LFNG: variants seen among roughly 807,000 people sequenced by gnomAD.
LFNG encodes the protein beta-1,3-N-acetylglucosaminyltransferase lunatic fringe.
Under a neutral mutation model 32.7 loss-of-function variants are expected in LFNG, and 15 were observed. That is an observed-to-expected ratio of 0.46 (90% CI 0.31 to 0.71). LFNG has a LOEUF of 0.71. LFNG is among the 30% of genes least tolerant of loss of function. The pLI, the probability that LFNG is intolerant of heterozygous loss-of-function variation, is 0.06. For synonymous variants in LFNG, 274 were observed against 246.8 expected, an observed-to-expected ratio of 1.11 and a Z score of -1.03; for missense variants, 520 against 545.7, an observed-to-expected ratio of 0.95 and a Z score of 0.47.
chr7:2,517,411 C>A (rs188475098), upstream of LFNG, among the ~76,000 whole-genome samples: 2 of 152,276 alleles, frequency 1.3e-5, no homozygotes, highest in East Asian at 3.9e-4. Flanking sequence ...CCCCCCTACC[C>A]AGTTCTATGC....
upstream of LFNG, among the ~76,000 whole-genome samples, chr7:2,516,717 C>A (rs1181229853): frequency 6.6e-6 from 1 of 152,202 alleles, no homozygotes; most frequent in Non-Finnish European, 1.5e-5. Context: ...TGCCTGGGAG[C>A]CCCAAACTGG....
chr7:2,523,648 C>G (rs1056227259), intron 1 of LFNG: 1 of 152,194 alleles, frequency 6.6e-6, no homozygotes, highest in African/African-American at 2.4e-5. Flanking sequence ...CTGGCCCCGC[C>G]CTGGCGGCCC....
Position 2,528,201 on chromosome 7 carries a change from C to G in LFNG, c.*989C>G, listed in dbSNP as rs1250867836. 2 of 985,534 alleles carry G rather than the reference C, an allele frequency of 2.0e-6. No homozygotes were observed. Among genetic ancestry groups the G allele is most frequent in the African/African-American group, 1.7e-5 (1 of 57,178 alleles). 61.0% of individuals were successfully genotyped at this position (985,534 alleles called of 1,614,324 possible). ...CTGTCTGGCACTCTGTGTATTTATGCGTTCCAGCATCTGGAACCTCCCATC... is the reference window on the plus strand; with the variant it reads ...CTGTCTGGCACTCTGTGTATTTATGGGTTCCAGCATCTGGAACCTCCCATC... On this transcript the variant is annotated 3_prime_UTR_variant, in exon 8 of 8. Transcript: ENST00000222725.
At chr7:2,513,795 C>G (rs1779546436), upstream of LFNG, among the ~76,000 whole-genome samples, 1 of 152,236 alleles carries the variant, frequency 6.6e-6, no homozygotes, top group East Asian at 1.9e-4. Context: ...TAAGTGGATC[C>G]TGGTGGCTGC....
In LFNG at chr7:2,525,737, G is replaced by T. The variant is rs201864741; in HGVS notation, c.788G>T (p.Arg263Leu). The change falls in exon 5 of 8, where the codon CGT (arginine) becomes CTT (leucine). Residue 263 changes from arginine to leucine, a missense_variant. This residue lies in a region of LFNG where 10 missense variants were observed against 31.1 expected (regional missense o/e 0.32). Coordinates refer to ENST00000222725, the MANE Select transcript of LFNG (RefSeq NM_001040167.2). ...ATGGAGFCIS[R>L]GLALKMSPWA... ...GGCGGCGCTGGCTTCTGCATCAGCC[G>T]TGGGCTGGCTCTGAAGATGAGCCCG... The T allele has an allele frequency of 6.2e-7, 1 of 1,612,520 alleles. No homozygotes were observed. The highest frequency in any genetic ancestry group is 1.7e-5 in the Admixed American group (1 of 60,010).
chr7:2,525,454 C>G lies in LFNG; in HGVS notation c.622C>G (p.Arg208Gly), dbSNP rs202052038. The change falls in exon 4 of 8, where the codon CGG becomes GGG. Residue 208 changes from arginine (R) to glycine (G), a missense_variant. Transcript: ENST00000222725. Reference sequence around the variant, plus strand: ...GGACGATGACAACTACGTCAACCTGCGGGCCCTGCTGCGGCTGCTGGCCAG... The same window carrying G: ...GGACGATGACAACTACGTCAACCTGGGGGCCCTGCTGCGGCTGCTGGCCAG... ...HVDDDNYVNL[R>G]ALLRLLASYP... 6 of 1,612,776 alleles carry G rather than the reference C, an allele frequency of 3.7e-6. No homozygotes were observed. Among genetic ancestry groups the G allele is most frequent in the Non-Finnish European group, 3.4e-6 (4 of 1,179,884 alleles).
chr7:2,521,169 T>C (rs1001272010), intron 1 of LFNG, among the ~76,000 whole-genome samples: 2 of 152,026 alleles, frequency 1.3e-5, no homozygotes, highest in Admixed American at 1.3e-4. Flanking sequence ...GCTGTCCTGT[T>C]TTGGGGCACT....
upstream of LFNG, among the ~76,000 whole-genome samples, chr7:2,515,320 C>G (rs1212658644): frequency 6.8e-6 from 1 of 148,000 alleles, no homozygotes; most frequent in African/African-American, 2.6e-5. Flanking sequence ...CCAGTGTTTA[C>G]TGAGCACCTA....
At chr7:2,523,884 G>A (rs1354908017) in intron 1 of LFNG, among the ~76,000 whole-genome samples, 1 of 152,202 alleles carries the variant, frequency 6.6e-6, no homozygotes, top group Non-Finnish European at 1.5e-5. Flanking sequence ...CTTTGGCTCA[G>A]AGTGGGTAGC....
upstream of LFNG, chr7:2,517,815 G>A (rs1751967608): frequency 8.6e-7 from 1 of 1,161,644 alleles, no homozygotes; most frequent in Non-Finnish European, 1.1e-6. Context: ...TAAGTCACGA[G>A]GTGCGTGAAT....
At chr7:2,517,440 G>T (rs1279808253), upstream of LFNG, among the ~76,000 whole-genome samples, 3 of 152,202 alleles carry the variant, frequency 2.0e-5, no homozygotes, top group African/African-American at 4.8e-5. Context: ...CTGCCAGGCT[G>T]GGCCATCCAC....
rs1227321103 is a variant in LFNG, at chr7:2,527,193, C to T, written c.1121C>T (p.Pro374Leu). The change falls in exon 8 of 8, where the codon CCC becomes CTC. Residue 374 changes from proline to leucine, a missense_variant. Pro to Leu is a moderately conservative substitution (Grantham distance 98). Around this residue, in one of 3 missense-constraint regions of LFNG, gnomAD observed 150 missense variants for 159.9 expected, o/e 0.94. Transcript: ENST00000222725. The surrounding 1 kb of genome is among the most constrained non-coding windows in gnomAD (Gnocchi z 4.4). ...CHLYPDTPWC[P>L]RTAIF The stretch of plus-strand genomic sequence containing the variant: ...CTGTACCCGGACACACCCTGGTGTC[C>T]CCGCACTGCCATCTTCTAGTGGCCA... The T allele has an allele frequency of 6.2e-7, 1 of 1,612,944 alleles. No homozygotes were observed. The highest frequency in any genetic ancestry group is 2.2e-5 in the East Asian group (1 of 44,862).
At position 2,526,576 on chromosome 7, in the gene LFNG, T is replaced by C. The variant is rs1332093042; in HGVS notation, c.987+167T>C. Among the ~76,000 whole-genome samples, 2 of 152,214 alleles carry C rather than the reference T, an allele frequency of 1.3e-5. No homozygotes were observed. Among genetic ancestry groups the C allele is most frequent in the South Asian group, 2.1e-4 (1 of 4,834 alleles). The stretch of plus-strand genomic sequence containing the variant: ...CCTGCCATGAGCTCAAAGCTGTTTA[T>C]GGCGGGTTGTTTTCCTGCCGTCTCT... On this transcript the variant is annotated intron_variant, in intron 6 of 7. Coordinates refer to ENST00000222725, the MANE Select transcript of LFNG (RefSeq NM_001040167.2). This position sits in a 1 kb window ranked among gnomAD's most constrained non-coding sequence, Gnocchi z 6.9.
Position 2,526,517 on chromosome 7 carries a change from G to A in LFNG, c.987+108G>A, listed in dbSNP as rs1779981150. The A allele has an allele frequency of 8.1e-7, 1 of 1,240,394 alleles. No homozygotes were observed. Among genetic ancestry groups the A allele is most frequent in the Non-Finnish European group, 1.1e-6 (1 of 871,114 alleles). 76.8% of individuals were successfully genotyped at this position (1,240,394 alleles called of 1,614,324 possible). A position where few individuals can be genotyped will look rare whatever the true frequency, so the allele number is the denominator to read the frequency against. On this transcript the variant is annotated intron_variant, in intron 6 of 7. Transcript: ENST00000222725. The surrounding 1 kb of genome is among the most constrained non-coding windows in gnomAD (Gnocchi z 6.9). Reference sequence around the variant, plus strand: ...GGCACTGTTCTAAACAGGGAGGCCAGGCAGCACTCCACTGTCAGCCAGGGG... The same window carrying A: ...GGCACTGTTCTAAACAGGGAGGCCAAGCAGCACTCCACTGTCAGCCAGGGG...
chr7:2,522,112 G>T (rs922990938), intron 1 of LFNG, among the ~76,000 whole-genome samples: 1 of 152,226 alleles, frequency 6.6e-6, no homozygotes, highest in South Asian at 2.1e-4. Flanking sequence ...TCTGATGGGG[G>T]AGATAGAAAG....
chr7:2,526,929 A>G lies in LFNG; in HGVS notation c.1073+8A>G, dbSNP rs1307333797. The stretch of plus-strand genomic sequence containing the variant: ...GGAGGCCGACCCATCCAGGTAAGGA[A>G]ACCCCGGCCCAGATGGGCTTGCGTA... On this transcript the variant is annotated splice_region_variant and intron_variant, in intron 7 of 7. Transcript: ENST00000222725. The surrounding 1 kb of genome is among the most constrained non-coding windows in gnomAD (Gnocchi z 6.9). 5.6e-6 allele frequency: 9 copies of G among 1,612,008 alleles called. No homozygotes were observed. Among genetic ancestry groups the G allele is most frequent in the Non-Finnish European group, 7.6e-6 (9 of 1,179,542 alleles).
At position 2,519,881 on chromosome 7, in the gene LFNG, G is replaced by A; in HGVS notation, c.20G>A (p.Arg7Gln). The change falls in exon 1 of 8, where the codon CGG becomes CAG. Residue 7 changes from arginine (R) to glutamine (Q), a missense_variant. Coordinates refer to ENST00000222725, the MANE Select transcript of LFNG (RefSeq NM_001040167.2). MLKRCG[R>Q]RLLLALAGAL... is the part of the protein sequence containing the mutation. ...CCCACCATGCTCAAGCGCTGCGGCC[G>A]GCGCCTGCTGCTGGCGCTGGCGGGC... is the stretch of plus-strand genomic sequence containing the variant. 1 of 1,103,660 alleles carries A rather than the reference G, an allele frequency of 9.1e-7. No individual in the cohort carries two copies. The highest frequency in any genetic ancestry group is 1.1e-6 in the Non-Finnish European group (1 of 902,174). The allele number at this position is 1,103,660 out of a possible 1,614,324, so 68.4% of individuals were successfully genotyped here.
intron 1 of LFNG, among the ~76,000 whole-genome samples, chr7:2,522,014 C>T (rs1779806164): frequency 6.6e-6 from 1 of 152,184 alleles, no homozygotes; most frequent in Admixed American, 6.5e-5. Flanking sequence ...GCAAAGACCC[C>T]CTTGTGGTGG....
upstream of LFNG, among the ~76,000 whole-genome samples, chr7:2,515,408 C>G (rs536651564): frequency 6.6e-6 from 1 of 152,192 alleles, no homozygotes; most frequent in Non-Finnish European, 1.5e-5. Flanking sequence ...CAGCTACAAC[C>G]TCATGTGATC....
Sources: gnomAD v4.1 joint callset for allele counts (sites outside exome capture counted in the v4.1 genomes callset) on GRCh38, gnomAD v4.1.1 for gene constraint, gnomAD v4.1.1 regional missense constraint, Gnocchi (gnomAD v3.1) non-coding constraint, MANE v1.5 for transcripts, NCBI Gene and HGNC (gene_info 2026-07-23, HGNC 2026-07-21) for gene names.